HS6ST2: variants seen among roughly 807,000 people sequenced by gnomAD.
The protein encoded by HS6ST2 is heparan-sulfate 6-O-sulfotransferase 2.
In HS6ST2, 17 loss-of-function variants were observed where a neutral mutation model predicts 33.0. The ratio of observed to expected loss-of-function variants is 0.52; its 90% CI spans 0.35 to 0.77. The LOEUF is 0.77. Ranked by LOEUF, HS6ST2 falls within the 30% of genes least tolerant of loss-of-function variation. HS6ST2 has a pLI of 0.01. For missense variants in HS6ST2, 519 were observed against 551.7 expected (o/e 0.94, Z 0.59); for synonymous variants, 248 against 237.1 (o/e 1.05, Z -0.42).
chrX:132,786,766 C>T (rs2065065098), intron 2 of HS6ST2, among the ~76,000 whole-genome samples: 1 of 109,090 alleles, frequency 9.2e-6, no homozygotes, highest in South Asian at 4.1e-4. Context: ...GGATTACAGG[C>T]GCCTGCCACC....
At chrX:132,957,456 A>ACGGCGGCGGCGGCTG (rs1556512508) in intron 1 of HS6ST2, 130 bp from the exon 2 acceptor site, 2 of 740,192 alleles carry the variant, frequency 2.7e-6, no homozygotes, top group Non-Finnish European at 3.8e-6. Context: ...CGAGTACTCC[A>ACGGCGGCGGCGGCTG]CGGCGGCGGC....
chrX:132,796,779 C>T (rs1053012427), intron 2 of HS6ST2, among the ~76,000 whole-genome samples: 2 of 112,158 alleles, frequency 1.8e-5, no homozygotes, highest in Non-Finnish European at 3.8e-5. Context: ...GGAGCAAGGG[C>T]AACAGAGCAG....
At chrX:132,714,293 T>G (rs1359422050) in intron 2 of HS6ST2, among the ~76,000 whole-genome samples, 5 of 110,997 alleles carry the variant, frequency 4.5e-5, no homozygotes, top group Non-Finnish European at 9.4e-5. Flanking sequence ...TTGGACTAGC[T>G]GATTTCCCAA....
rs189768065 is a variant in HS6ST2 at position 132,641,181 on chromosome X, T to C, written c.1068-12088A>G. Among the ~76,000 whole-genome samples, 259 of 112,842 alleles carry C rather than the reference T, an allele frequency of 2.3e-3. 1 individual carries two copies. The highest frequency in any genetic ancestry group is 3.6e-3 in the Non-Finnish European group (194 of 53,336). ...TTTTTGGAGATGCAGTCTCGCTCTG[T>C]CTCCTAGGCTGGAGTGAAGTGGTGC... On this transcript the variant is annotated intron_variant, in intron 4 of 4. Coordinates refer to ENST00000370833, the MANE Select transcript of HS6ST2 (RefSeq NM_001394073.1).
At chrX:132,709,812 AACACACACACAC>A (rs60459374) in intron 2 of HS6ST2, among the ~76,000 whole-genome samples, 3 of 92,212 alleles carry the variant, frequency 3.3e-5, no homozygotes, top group South Asian at 1.2e-3. Context: ...GAAAAGACAA[AACACACACACAC>A]ACACACACAC....
chrX:132,663,593 A>G (rs1975998508), intron 4 of HS6ST2, among the ~76,000 whole-genome samples: 1 of 112,951 alleles, frequency 8.9e-6, no homozygotes, highest in Admixed American at 9.3e-5. Context: ...TAATGCTTTC[A>G]TTTGTCACAA....
At chrX:132,752,289 T>C (rs747593050) in intron 2 of HS6ST2, among the ~76,000 whole-genome samples, 52 of 110,240 alleles carry the variant, frequency 4.7e-4, no homozygotes, top group Non-Finnish European at 8.9e-4. Flanking sequence ...CTGGCCAACA[T>C]GGTGAATCCC....
intron 2 of HS6ST2, among the ~76,000 whole-genome samples, chrX:132,730,612 A>G (rs1326324313): frequency 8.9e-6 from 1 of 112,501 alleles, no homozygotes; most frequent in Non-Finnish European, 1.9e-5. Flanking sequence ...TGGGAGGTTA[A>G]GAGCAGCGTC....
At chrX:132,921,211 C>T (rs766446252) in intron 2 of HS6ST2, among the ~76,000 whole-genome samples, 2 of 112,093 alleles carry the variant, frequency 1.8e-5, no homozygotes, top group African/African-American at 6.5e-5. Flanking sequence ...GGGTCTAGAC[C>T]TTTACTACTT....
At chrX:132,705,509 T>C (rs752822568) in intron 3 of HS6ST2, among the ~76,000 whole-genome samples, 71 of 111,591 alleles carry the variant, frequency 6.4e-4, no homozygotes, top group African/African-American at 2.1e-3. Context: ...TTAAATATAC[T>C]ATTGAGTGAG....
chrX:132,758,190 A>G (rs1257351544), intron 2 of HS6ST2: 1 of 112,576 alleles, frequency 8.9e-6, no homozygotes, highest in East Asian at 2.8e-4. Flanking sequence ...GATAATGGCC[A>G]ATAATTAAAA....
At chrX:132,819,913 C>A (rs778131009) in intron 2 of HS6ST2, among the ~76,000 whole-genome samples, 1 of 112,478 alleles carries the variant, frequency 8.9e-6, no homozygotes, top group South Asian at 3.7e-4. Flanking sequence ...TTTCTTTAGG[C>A]TTTTTTGAGA....
intron 2 of HS6ST2, among the ~76,000 whole-genome samples, chrX:132,889,691 A>G (rs757493016): frequency 3.5e-4 from 39 of 111,329 alleles, no homozygotes; most frequent in Non-Finnish European, 6.8e-4. Context: ...AGGAAGGTGG[A>G]GAAACAGAGA....
rs2063482787 is a variant in HS6ST2 at position 132,626,803 on chromosome X, C to T, written c.*1420G>A. ...TGATGCTTGACAGCACAGTGGGTTA[C>T]ATACTTCTTTTTATCTTGGTCAGCT... On this transcript the variant is annotated 3_prime_UTR_variant, in exon 5 of 5. Transcript: ENST00000370833. 1 of 112,169 alleles carries T rather than the reference C, an allele frequency of 8.9e-6. No individual in the cohort carries two copies. Among genetic ancestry groups the T allele is most frequent in the Non-Finnish European group, 1.9e-5 (1 of 53,233 alleles). 9.2% of individuals were successfully genotyped at this position (112,169 alleles called of 1,213,427 possible).
At chrX:132,804,728 G>A (rs940688065) in intron 2 of HS6ST2, among the ~76,000 whole-genome samples, 3 of 111,285 alleles carry the variant, frequency 2.7e-5, no homozygotes, top group Non-Finnish European at 5.6e-5. Context: ...GAGCCCGGGA[G>A]GTTGAGGCTG....
intron 2 of HS6ST2, among the ~76,000 whole-genome samples, chrX:132,893,862 A>G (rs987581098): frequency 2.7e-5 from 3 of 111,532 alleles, no homozygotes; most frequent in African/African-American, 9.8e-5. Context: ...TGATAAGGGA[A>G]AAAGTCAGGC....
intron 2 of HS6ST2, among the ~76,000 whole-genome samples, chrX:132,827,984 T>C (rs1247355840): frequency 2.7e-5 from 3 of 111,862 alleles, no homozygotes; most frequent in Non-Finnish European, 5.6e-5. Context: ...GAGTATTTAC[T>C]GTCTGAACCT....
chrX:132,772,025 G>C (rs917657365), intron 2 of HS6ST2, among the ~76,000 whole-genome samples: 2 of 111,518 alleles, frequency 1.8e-5, no homozygotes, highest in African/African-American at 6.5e-5. Context: ...TAAACTATGT[G>C]TTCTATAAAT....
chrX:132,813,288 G>A (rs1188089300), intron 2 of HS6ST2, among the ~76,000 whole-genome samples: 2 of 111,415 alleles, frequency 1.8e-5, no homozygotes, highest in Non-Finnish European at 3.8e-5. Flanking sequence ...GTTGACCTCC[G>A]TTTCCTTATT....
Sources: allele counts gnomAD v4.1 joint callset (sites outside exome capture counted in the v4.1 genomes callset), GRCh38; gene constraint gnomAD v4.1.1; transcripts MANE v1.5; gene names NCBI Gene and HGNC (gene_info 2026-07-23, HGNC 2026-07-21).